SUMF1: variants seen among roughly 807,000 people sequenced by gnomAD.
SUMF1 encodes formylglycine-generating enzyme.
Under a neutral mutation model 47.6 loss-of-function variants are expected in SUMF1, and 48 were observed. The observed-to-expected ratio is 1.01, with a 90% CI of 0.80 to 1.28. The LOEUF (loss-of-function observed/expected upper bound fraction) is 1.28, where lower values mean the gene tolerates loss of function less well. Ranked by LOEUF, SUMF1 falls within the 50% of genes most tolerant of loss-of-function variation. The probability of loss-of-function intolerance (pLI) is 0.00; values close to 1 mark genes in which losing one functional copy is unlikely to be tolerated. For synonymous variants in SUMF1, 230 were observed against 192.1 expected (o/e 1.20, Z -1.63); for missense variants, 571 against 485.4 (o/e 1.18, Z -1.66).
In SUMF1 at chr3:4,353,377, C is replaced by A. The variant is rs112352488; in HGVS notation, c.1014+22953G>T. ...ACACCATTCTCCTGCCTCAGCCTCC[C>A]GAGTAGCTGGGACTACAGGCACCCG... On this transcript the variant is annotated intron_variant and NMD_transcript_variant, in intron 8 of 12. Coordinates refer to the SUMF1 transcript ENST00000448413. Among the ~76,000 whole-genome samples, 11 of 152,208 alleles carry A rather than the reference C, an allele frequency of 7.2e-5. No homozygotes were observed. The South Asian group carries it at 2.3e-3, about 32-fold the overall frequency.
chr3:4,138,531 T>C (rs1693997414), intron 8 of SUMF1, among the ~76,000 whole-genome samples: 1 of 152,062 alleles, frequency 6.6e-6, no homozygotes, highest in African/African-American at 2.4e-5. Context: ...ACATGGACAG[T>C]ATGTGATAAA....
intron 8 of SUMF1, among the ~76,000 whole-genome samples, chr3:4,369,306 T>C (rs1011744078): frequency 2.0e-5 from 3 of 152,178 alleles, no homozygotes; most frequent in African/African-American, 7.2e-5. Flanking sequence ...CTTGAAATAA[T>C]TGATAAATTG....
chr3:4,234,467 C>A (rs970677634), intron 8 of SUMF1, among the ~76,000 whole-genome samples: 31 of 152,026 alleles, frequency 2.0e-4, no homozygotes, highest in Admixed American at 7.2e-4. Flanking sequence ...TATGTAGATG[C>A]TGGATGGTAT....
chr3:4,229,267 A>G, intron 8 of SUMF1: 1 of 335,424 alleles, frequency 3.0e-6, no homozygotes, highest in Non-Finnish European at 5.8e-6. Flanking sequence ...CCGGACAATC[A>G]TCCTCCTTCA....
intron 7 of SUMF1, among the ~76,000 whole-genome samples, chr3:4,407,630 G>A (rs1701416709): frequency 6.6e-6 from 1 of 152,052 alleles, no homozygotes; most frequent in African/African-American, 2.4e-5. Flanking sequence ...AGTCCATTAG[G>A]GAAGAAAAGC....
At chr3:4,163,141 A>G (rs1041200392) in intron 8 of SUMF1, among the ~76,000 whole-genome samples, 2 of 151,404 alleles carry the variant, frequency 1.3e-5, no homozygotes, top group African/African-American at 4.9e-5. Context: ...ATCACTGTCT[A>G]CTGCTACACC....
intron 9 of SUMF1, among the ~76,000 whole-genome samples, chr3:4,045,299 C>T (rs1559423672): frequency 6.6e-6 from 1 of 151,970 alleles, no homozygotes; most frequent in African/African-American, 2.4e-5. Context: ...CTCCTAACAG[C>T]ATGCCTTACA....
chr3:4,254,037 C>A (rs893802986), intron 8 of SUMF1, among the ~76,000 whole-genome samples: 1 of 151,098 alleles, frequency 6.6e-6, no homozygotes, highest in Non-Finnish European at 1.5e-5. Flanking sequence ...TTCCAACAGA[C>A]CTGCAGCTGA....
At chr3:4,226,659 T>G (rs1399181683) in intron 8 of SUMF1, among the ~76,000 whole-genome samples, 1 of 152,072 alleles carries the variant, frequency 6.6e-6, no homozygotes, top group Non-Finnish European at 1.5e-5. Context: ...CCATATTTTA[T>G]ATGGAATTGG....
intron 8 of SUMF1, among the ~76,000 whole-genome samples, chr3:4,305,248 G>A (rs539177449): frequency 7.9e-5 from 12 of 152,044 alleles, no homozygotes; most frequent in Non-Finnish European, 1.6e-4. Flanking sequence ...ACCACGCCCA[G>A]CTGATTTTTG....
At chr3:4,213,663 C>T (rs1695850132) in intron 8 of SUMF1, among the ~76,000 whole-genome samples, 1 of 152,042 alleles carries the variant, frequency 6.6e-6, no homozygotes, top group African/African-American at 2.4e-5. Context: ...ATTCAGGAGG[C>T]TCATCTCATG....
chr3:4,325,531 G>C (rs1468916057), intron 8 of SUMF1, among the ~76,000 whole-genome samples: 2 of 151,664 alleles, frequency 1.3e-5, no homozygotes, highest in African/African-American at 4.9e-5. Flanking sequence ...ATGTATGTGT[G>C]TGTGTGTGTA....
Position 4,164,907 on chromosome 3 carries a change from A to G in SUMF1, c.1015-96162T>C, listed in dbSNP as rs147862530. Among the ~76,000 whole-genome samples, 1,256 of 152,294 alleles carry G rather than the reference A, an allele frequency of 8.2e-3. 22 individuals carry two copies. The highest frequency in any genetic ancestry group is 0.028 in the African/African-American group (1,172 of 41,544). On this transcript the variant is annotated intron_variant and NMD_transcript_variant, in intron 8 of 12. Coordinates refer to the SUMF1 transcript ENST00000448413. ...CCTCCCATAGCCACTCGAGGAAGGCAGAAGGATTTTCTTCCTTTCCCTAAG... is the reference window on the plus strand; with the variant it reads ...CCTCCCATAGCCACTCGAGGAAGGCGGAAGGATTTTCTTCCTTTCCCTAAG...
In SUMF1 at chr3:4,456,729, T is replaced by TAC. The variant is rs1315352558; in HGVS notation, c.271-3681_271-3680insGT. Among the ~76,000 whole-genome samples, 4 of 125,246 alleles carry TAC rather than the reference T, an allele frequency of 3.2e-5. No individual in the cohort carries two copies. In the East Asian group the frequency reaches 8.9e-4, roughly 28 times the overall value. 82.2% of individuals were successfully genotyped at this position (125,246 alleles called of 152,430 possible). A position where few individuals can be genotyped will look rare whatever the true frequency, so the allele number is the denominator to read the frequency against. On this transcript the variant is annotated intron_variant, in intron 1 of 8. Coordinates refer to ENST00000272902, the MANE Select transcript of SUMF1 (RefSeq NM_182760.4). ...ACGTATATATATACATATATATACG[T>TAC]GTGTATATATACACACATATATACG...
chr3:4,177,442 G>A (rs891344192), intron 8 of SUMF1, among the ~76,000 whole-genome samples: 2 of 152,090 alleles, frequency 1.3e-5, no homozygotes, highest in African/African-American at 2.4e-5. Flanking sequence ...AATGACTACT[G>A]GGTAAATAAT....
chr3:4,255,956 G>C (rs1696942090), intron 8 of SUMF1, among the ~76,000 whole-genome samples: 1 of 126,822 alleles, frequency 7.9e-6, no homozygotes, highest in African/African-American at 3.3e-5. Context: ...TCAGGATTAA[G>C]AATGTCACTC....
intron 8 of SUMF1, among the ~76,000 whole-genome samples, chr3:4,265,165 C>T (rs992055668): frequency 1.4e-5 from 2 of 145,596 alleles, no homozygotes; most frequent in Non-Finnish European, 3.0e-5. Flanking sequence ...AAAAAGAACA[C>T]TTAGGACACA....
intron 8 of SUMF1, among the ~76,000 whole-genome samples, chr3:4,319,135 C>A (rs944411716): frequency 6.6e-6 from 1 of 152,160 alleles, no homozygotes. Flanking sequence ...TGTGGAGCAA[C>A]AGGAACTCTT....
chr3:4,363,840 G>A (rs1445683520), intron 8 of SUMF1, among the ~76,000 whole-genome samples: 1 of 135,898 alleles, frequency 7.4e-6, no homozygotes, highest in Non-Finnish European at 1.6e-5. Flanking sequence ...TGCCCATTCA[G>A]TGTGATATTG....
Sources: allele counts gnomAD v4.1 joint callset (sites outside exome capture counted in the v4.1 genomes callset), GRCh38; gene constraint gnomAD v4.1.1; transcripts MANE v1.5; gene names NCBI Gene and HGNC (gene_info 2026-07-23, HGNC 2026-07-21).